The following ADD2 variants were observed in gnomAD, a reference collection of about 807,000 sequenced individuals.
ADD2 encodes the protein beta-adducin.
ADD2 carries 23 observed loss-of-function variants against 83.0 expected under a neutral mutation model. The observed-to-expected ratio is 0.28, with a 90% CI of 0.20 to 0.39. ADD2 has a LOEUF of 0.39. ADD2 is among the 10% of genes least tolerant of loss of function. The pLI is 1.00. For synonymous variants in ADD2, 375 were observed against 375.4 expected (o/e 1.00, Z 0.01); for missense variants, 758 against 944.9 (o/e 0.80, Z 2.59).
At chr2:70,752,781 G>C (rs1674577006) in intron 1 of ADD2, among the ~76,000 whole-genome samples, 1 of 152,210 alleles carries the variant, frequency 6.6e-6, no homozygotes, top group African/African-American at 2.4e-5. Context: ...TGGATATACA[G>C]GTTTTCAGCC....
chr2:70,665,818 G>GTT (rs36101912), intron 15 of ADD2, among the ~76,000 whole-genome samples: 3 of 144,432 alleles, frequency 2.1e-5, no homozygotes, highest in East Asian at 2.0e-4. Flanking sequence ...TTGTTTTTTT[G>GTT]TTTTTTTTTT....
At chr2:70,732,098 G>C (rs557007326) in intron 1 of ADD2, among the ~76,000 whole-genome samples, 2 of 152,350 alleles carry the variant, frequency 1.3e-5, no homozygotes, top group South Asian at 2.1e-4. Flanking sequence ...TGAGTTGAGA[G>C]GATGAAGTGG....
intron 1 of ADD2, among the ~76,000 whole-genome samples, chr2:70,738,945 C>A (rs1341149082): frequency 3.3e-5 from 5 of 152,158 alleles, no homozygotes; most frequent in African/African-American, 4.8e-5. Context: ...CCCTCGAAGA[C>A]AACCTAGGTA....
At position 70,720,094 on chromosome 2, in the gene ADD2, G is replaced by A. The variant is rs537261916; in HGVS notation, c.-153-6910C>T. Among the ~76,000 whole-genome samples the A allele has an allele frequency of 5.3e-5, 8 of 152,178 alleles. No homozygotes were observed. The South Asian group carries it at 1.7e-3, about 32-fold the overall frequency. On this transcript the variant is annotated intron_variant, in intron 1 of 15. Transcript: ENST00000264436. ...AATTAAGGTTGAAATTGTTTTGTGG[G>A]GTTTTTTTTACTGGGCATTTCCCCC... is the stretch of plus-strand genomic sequence containing the variant.
chr2:70,706,457 A>G lies in ADD2; in HGVS notation c.-34-15T>C, dbSNP rs1553374530. ...CTCCTGGAACTCTACAGAGAAGGGG[A>G]GAGGGTATGCGGTCAGGTTGGTGCT... On this transcript the variant is annotated splice_polypyrimidine_tract_variant and intron_variant, in intron 2 of 15. Coordinates refer to ENST00000264436, the MANE Select transcript of ADD2 (RefSeq NM_001617.4). The surrounding 1 kb of genome is among the most constrained non-coding windows in gnomAD (Gnocchi z 5.0). 4 of 1,564,532 alleles carry G rather than the reference A, an allele frequency of 2.6e-6. No homozygotes were observed. The Admixed American group carries it at 7.0e-5, about 27-fold the overall frequency.
chr2:70,739,560 T>C (rs1388900440), intron 1 of ADD2, among the ~76,000 whole-genome samples: 3 of 152,256 alleles, frequency 2.0e-5, no homozygotes, highest in Non-Finnish European at 2.9e-5. Context: ...TAAATCATTC[T>C]ACCATGAAGA....
At position 70,726,136 on chromosome 2, in the gene ADD2, A is replaced by G. The variant is rs530629686; in HGVS notation, c.-153-12952T>C. ...CAGGAGGCGGAGCTTGCAGTGAGCCAAGATCCCGCCACGGCACTCCAGCCT... is the reference window on the plus strand; with the variant it reads ...CAGGAGGCGGAGCTTGCAGTGAGCCGAGATCCCGCCACGGCACTCCAGCCT... On this transcript the variant is annotated intron_variant, in intron 1 of 15. Coordinates refer to ENST00000264436, the MANE Select transcript of ADD2 (RefSeq NM_001617.4). 1.3e-3 allele frequency among the ~76,000 whole-genome samples: 190 copies of G among 143,132 alleles called. 1 individual carries two copies. Among genetic ancestry groups the G allele is most frequent in the African/African-American group, 4.4e-3 (170 of 38,808 alleles). The allele number at this position is 143,132 out of a possible 152,430, so 93.9% of individuals were successfully genotyped here. A position where few individuals can be genotyped will look rare whatever the true frequency, so the allele number is the denominator to read the frequency against.
intron 7 of ADD2, 86 bp from the exon 8 acceptor site, chr2:70,691,015 C>A: frequency 1.4e-6 from 2 of 1,468,972 alleles, no homozygotes; most frequent in African/African-American, 1.4e-5. Flanking sequence ...CTCTGGGGGC[C>A]AGTGAGGGGT....
intron 1 of ADD2, among the ~76,000 whole-genome samples, chr2:70,722,805 A>T (rs1224733148): frequency 1.3e-5 from 2 of 152,220 alleles, no homozygotes; most frequent in Non-Finnish European, 2.9e-5. Flanking sequence ...TGAGATAAAA[A>T]TGGAAATTGA....
intron 1 of ADD2, among the ~76,000 whole-genome samples, chr2:70,725,959 G>A (rs189405549): frequency 1.5e-4 from 23 of 152,024 alleles, no homozygotes; most frequent in African/African-American, 5.3e-4. Flanking sequence ...AGGCCAAGGC[G>A]GGCGGATCAC....
Position 70,658,367 on chromosome 2 carries a change from T to G in ADD2, c.*5058A>C, listed in dbSNP as rs1312091209. The G allele has an allele frequency of 6.6e-6, 1 of 152,218 alleles. No homozygotes were observed. The highest frequency in any genetic ancestry group is 2.4e-5 in the African/African-American group (1 of 41,460). The allele number at this position is 152,218 out of a possible 1,614,324, so 9.4% of individuals were successfully genotyped here. ...CTGAATAGGTTGGTTAGACGGGGCT[T>G]CTGGAAGTAATTACACTCCATGTAC... On this transcript the variant is annotated 3_prime_UTR_variant, in exon 16 of 16. Transcript: ENST00000264436.
chr2:70,715,662 AG>A (rs1394303487), intron 1 of ADD2, among the ~76,000 whole-genome samples: 6 of 152,056 alleles, frequency 3.9e-5, no homozygotes, highest in Non-Finnish European at 5.9e-5. Context: ...TAAAACACTC[AG>A]GGGCCTTTGC....
chr2:70,696,348 A>G lies in ADD2; in HGVS notation c.371T>C (p.Leu124Pro). The change falls in exon 5 of 16, where the codon CTG becomes CCG. Residue 124 changes from leucine (L) to proline (P), a missense_variant. Transcript: ENST00000264436. ...PINDLHTADS[L>P]NLAKGERLMR... is the part of the protein sequence containing the mutation. ...GAGCCGCTCCCCTTTGGCCAGGTTC[A>G]GGGAGTCAGCTGTGTGGAGGTCATT... 6.2e-7 allele frequency: 1 copy of G among 1,614,158 alleles called. No homozygotes were observed. Among genetic ancestry groups the G allele is most frequent in the Non-Finnish European group, 8.5e-7 (1 of 1,180,026 alleles).
chr2:70,709,186 G>T (rs1672050956), intron 2 of ADD2, among the ~76,000 whole-genome samples: 1 of 152,098 alleles, frequency 6.6e-6, no homozygotes, highest in South Asian at 2.1e-4. Flanking sequence ...CCACTAGTTA[G>T]TCATCTTCTT....
At chr2:70,701,371 T>C (rs1347683192) in intron 4 of ADD2, among the ~76,000 whole-genome samples, 2 of 152,020 alleles carry the variant, frequency 1.3e-5, no homozygotes, top group Non-Finnish European at 2.9e-5. Context: ...CATAGTGAAC[T>C]AGAATAAAAA....
intron 2 of ADD2, among the ~76,000 whole-genome samples, chr2:70,709,011 T>C (rs1672042438): frequency 6.6e-6 from 1 of 152,172 alleles, no homozygotes; most frequent in African/African-American, 2.4e-5. Context: ...TCAGAAACCA[T>C]TCTGATTCTG....
At chr2:70,733,200 T>G (rs1553379610) in intron 1 of ADD2, among the ~76,000 whole-genome samples, 1 of 152,242 alleles carries the variant, frequency 6.6e-6, no homozygotes. Flanking sequence ...CCTGAGTTTT[T>G]CTGGTGGCAG....
chr2:70,667,915 G>A (rs900625657), intron 15 of ADD2, among the ~76,000 whole-genome samples: 13 of 152,214 alleles, frequency 8.5e-5, no homozygotes, highest in South Asian at 6.2e-4. Context: ...CACCATGCCC[G>A]TCCAGGATTA....
intron 1 of ADD2, among the ~76,000 whole-genome samples, chr2:70,751,624 T>C (rs139539268): frequency 1.6e-3 from 249 of 152,340 alleles, no homozygotes; most frequent in Non-Finnish European, 3.0e-3. Flanking sequence ...TACTAAAGAT[T>C]TCCTTTACAA....
Sources: allele counts gnomAD v4.1 joint callset (sites outside exome capture counted in the v4.1 genomes callset), GRCh38; gene constraint gnomAD v4.1.1; non-coding constraint Gnocchi (gnomAD v3.1); transcripts MANE v1.5; gene names NCBI Gene and HGNC (gene_info 2026-07-23, HGNC 2026-07-21).